The following SLC25A48 variants were observed in gnomAD, a reference collection of about 807,000 sequenced individuals.
The protein encoded by SLC25A48 is solute carrier family 25 member 48, also known as CTC-321K16.1.
In SLC25A48, 29 loss-of-function variants were observed where a neutral mutation model predicts 32.2. That is an observed-to-expected ratio of 0.90 (90% CI 0.67 to 1.23). The LOEUF (loss-of-function observed/expected upper bound fraction) is 1.23, where lower values mean the gene tolerates loss of function less well. SLC25A48 is among the 50% of genes most tolerant of loss of function. SLC25A48 has a pLI of 0.00. For synonymous variants in SLC25A48, 164 were observed against 172.3 expected, an observed-to-expected ratio of 0.95 and a Z score of 0.38; for missense variants, 399 against 422.7, an observed-to-expected ratio of 0.94 and a Z score of 0.49.
intron 1 of SLC25A48, among the ~76,000 whole-genome samples, chr5:135,835,545 A>T (rs1036054757): frequency 6.6e-6 from 1 of 151,950 alleles, no homozygotes; most frequent in African/African-American, 2.4e-5. Flanking sequence ...CCACTCTTTT[A>T]CTGGGCCTGG....
rs748170214 is a variant in SLC25A48, at chr5:135,874,771, C to T, written c.813+617C>T. On this transcript the variant is annotated intron_variant, in intron 6 of 7. Coordinates refer to ENST00000681962, the MANE Select transcript of SLC25A48 (RefSeq NM_001349336.2). ...CCCACCACCTGAAAAGGTGCTGCCC[C>T]AGGATAGACCAGACTTCCATGTCTG... 2.5e-5 allele frequency: 17 copies of T among 678,502 alleles called. No individual in the cohort carries two copies. In the South Asian group the frequency reaches 2.5e-4, roughly 10 times the overall value. The allele number at this position is 678,502 out of a possible 1,614,324, so 42.0% of individuals were successfully genotyped here.
intron 3 of SLC25A48, among the ~76,000 whole-genome samples, chr5:135,802,169 A>ACAT (rs59880388): frequency 0.24 from 36,914 of 151,492 alleles, 5,552 homozygotes; most frequent in Non-Finnish European, 0.33. Context: ...CAGTGGGTTT[A>ACAT]CATCATATGA....
intron 4 of SLC25A48, among the ~76,000 whole-genome samples, chr5:135,854,791 T>C (rs1243700932): frequency 1.3e-5 from 2 of 152,262 alleles, no homozygotes; most frequent in Non-Finnish European, 1.5e-5. Context: ...CCTGGCTAAC[T>C]CTTGGGCAAA....
chr5:135,845,709 C>A (rs772721822), intron 2 of SLC25A48, among the ~76,000 whole-genome samples: 2 of 152,188 alleles, frequency 1.3e-5, no homozygotes, highest in Admixed American at 6.5e-5. Context: ...ACTGAGGATA[C>A]AGCAATGAGC....
intron 3 of SLC25A48, among the ~76,000 whole-genome samples, chr5:135,751,874 G>A (rs1755778622): frequency 6.6e-6 from 1 of 152,066 alleles, no homozygotes; most frequent in African/African-American, 2.4e-5. Flanking sequence ...TCCAGAAATT[G>A]TTCACTGATT....
chr5:135,662,998 T>C (rs1753439986), intron 3 of SLC25A48, among the ~76,000 whole-genome samples: 1 of 152,188 alleles, frequency 6.6e-6, no homozygotes, highest in Admixed American at 6.5e-5. Flanking sequence ...CTCACAATGT[T>C]CACTTTCCAG....
chr5:135,726,954 C>A (rs1755104221), intron 3 of SLC25A48, among the ~76,000 whole-genome samples: 1 of 152,024 alleles, frequency 6.6e-6, no homozygotes, highest in Non-Finnish European at 1.5e-5. Flanking sequence ...TCTATAGATC[C>A]TCGGCAGCAT....
At position 135,842,464 on chromosome 5, in the gene SLC25A48, A is replaced by G; in HGVS notation, c.90+5A>G. 6.2e-7 allele frequency: 1 copy of G among 1,613,480 alleles called. No individual in the cohort carries two copies. Among genetic ancestry groups the G allele is most frequent in the Non-Finnish European group, 8.5e-7 (1 of 1,179,372 alleles). On this transcript the variant is annotated splice_donor_5th_base_variant and intron_variant, in intron 2 of 7. Coordinates refer to ENST00000681962, the MANE Select transcript of SLC25A48 (RefSeq NM_001349336.2). ...CACCCTCTGGACACAGTCAAGGTAC[A>G]GTAGCCATGTTTCCCATTACCTCTT...
intron 3 of SLC25A48, among the ~76,000 whole-genome samples, chr5:135,671,273 C>T (rs1353572164): frequency 6.6e-6 from 1 of 152,208 alleles, no homozygotes; most frequent in African/African-American, 2.4e-5. Flanking sequence ...GGAAGTTTGT[C>T]ACTGATAAGC....
At chr5:135,642,212 A>G (rs1752856023) in intron 3 of SLC25A48, among the ~76,000 whole-genome samples, 1 of 152,208 alleles carries the variant, frequency 6.6e-6, no homozygotes, top group Non-Finnish European at 1.5e-5. Context: ...CTCTTCTCAC[A>G]GGGAAATTAC....
At chr5:135,739,389 C>T (rs1755449846) in intron 3 of SLC25A48, among the ~76,000 whole-genome samples, 2 of 152,182 alleles carry the variant, frequency 1.3e-5, no homozygotes, top group Admixed American at 1.3e-4. Context: ...TGTCTCATGG[C>T]TCAGACTTAT....
intron 7 of SLC25A48, chr5:135,883,344 A>C: frequency 3.0e-6 from 3 of 985,462 alleles, no homozygotes; most frequent in South Asian, 9.4e-5. Flanking sequence ...ACAAAACAAA[A>C]CTGGAGTAAA....
At chr5:135,723,264 T>A (rs1561463737) in intron 3 of SLC25A48, among the ~76,000 whole-genome samples, 1 of 152,164 alleles carries the variant, frequency 6.6e-6, no homozygotes, top group Non-Finnish European at 1.5e-5. Context: ...GCGAATCAAT[T>A]CACTATTCTT....
chr5:135,770,822 T>C (rs1299997941), intron 3 of SLC25A48, among the ~76,000 whole-genome samples: 6 of 151,798 alleles, frequency 4.0e-5, no homozygotes, highest in Non-Finnish European at 8.8e-5. Flanking sequence ...CCTGTGATAT[T>C]GTTCCTAATA....
intron 3 of SLC25A48, among the ~76,000 whole-genome samples, chr5:135,797,785 G>C (rs1757224359): frequency 6.6e-6 from 1 of 151,762 alleles, no homozygotes; most frequent in African/African-American, 2.4e-5. Context: ...CAATATCTCA[G>C]GGGATGTACA....
chr5:135,753,943 T>C (rs888641200), intron 3 of SLC25A48, among the ~76,000 whole-genome samples: 1 of 152,052 alleles, frequency 6.6e-6, no homozygotes, highest in Non-Finnish European at 1.5e-5. Context: ...ATACCCAATG[T>C]GACTTTAGCA....
intron 3 of SLC25A48, among the ~76,000 whole-genome samples, chr5:135,722,970 G>A (rs1231441986): frequency 6.6e-6 from 1 of 152,254 alleles, no homozygotes; most frequent in Non-Finnish European, 1.5e-5. Context: ...CCCCCAGATA[G>A]GGCCAGACTA....
At chr5:135,733,524 G>A (rs1233225750) in intron 3 of SLC25A48, among the ~76,000 whole-genome samples, 2 of 152,188 alleles carry the variant, frequency 1.3e-5, no homozygotes, top group Non-Finnish European at 2.9e-5. Context: ...AATAGATTTT[G>A]GAAGTTATGA....
chr5:135,736,089 C>T (rs979436296), intron 3 of SLC25A48, among the ~76,000 whole-genome samples: 1 of 151,730 alleles, frequency 6.6e-6, no homozygotes, highest in Non-Finnish European at 1.5e-5. Context: ...GGGGAGAGGT[C>T]GGATGATCTG....
Sources: gnomAD v4.1 joint callset for allele counts (sites outside exome capture counted in the v4.1 genomes callset) on GRCh38, gnomAD v4.1.1 for gene constraint, MANE v1.5 for transcripts, NCBI Gene and HGNC (gene_info 2026-07-23, HGNC 2026-07-21) for gene names.